Variants in XDH observed in about 807,000 individuals in gnomAD.
XDH encodes xanthine dehydrogenase, also known as xanthine dehydrogenase/oxidase.
Under a neutral mutation model 156.1 loss-of-function variants are expected in XDH, and 138 were observed. The observed-to-expected ratio is 0.88, with a 90% CI of 0.77 to 1.02. The LOEUF is 1.02. Ranked by LOEUF, XDH falls within the 50% of genes least tolerant of loss-of-function variation. The pLI is 0.00. For synonymous variants in XDH, 669 were observed against 625.7 expected, an observed-to-expected ratio of 1.07 and a Z score of -1.03; for missense variants, 1,849 against 1,684.9, an observed-to-expected ratio of 1.10 and a Z score of -1.71.
chr2:31,368,151 ACT>A (rs1047919442), intron 19 of XDH, 94 bp from the exon 20 acceptor site: 14 of 1,143,772 alleles, frequency 1.2e-5, no homozygotes, highest in East Asian at 4.7e-5. Flanking sequence ...TGAATTGTTG[ACT>A]CTCTCTTTCC....
chr2:31,378,656 T>C (rs1017765835), intron 13 of XDH, among the ~76,000 whole-genome samples: 1 of 148,546 alleles, frequency 6.7e-6, no homozygotes. Flanking sequence ...ACTGTGCCCA[T>C]CCACGGGGAC....
intron 5 of XDH, among the ~76,000 whole-genome samples, chr2:31,398,188 G>T (rs770921159): frequency 6.6e-6 from 1 of 152,174 alleles, no homozygotes; most frequent in African/African-American, 2.4e-5. Flanking sequence ...CACATTGGTG[G>T]TCTTGGCCCT....
At position 31,366,054 on chromosome 2, in the gene XDH, T is replaced by C; in HGVS notation, c.2378A>G (p.Lys793Arg). Residue 793 changes from lysine to arginine, a missense_variant, in exon 22 of 36, where the codon AAG becomes AGG. By Grantham distance (26) the Lys-to-Arg change is conservative. Transcript: ENST00000379416. Reference sequence around the variant, plus strand: ...GCCTCCAAAGCCTCCTCCCATTCTCTTCACTCGAACCACAATCCGGTTTGC... The same window carrying C: ...GCCTCCAAAGCCTCCTCCCATTCTCCTCACTCGAACCACAATCCGGTTTGC... ...VPANRIVVRVKRMGGGFGGKE... is the reference protein window; with the variant it reads ...VPANRIVVRVRRMGGGFGGKE... The C allele has an allele frequency of 6.2e-7, 1 of 1,614,116 alleles. No homozygotes were observed. Among genetic ancestry groups the C allele is most frequent in the Non-Finnish European group, 8.5e-7 (1 of 1,179,974 alleles).
chr2:31,339,570 C>A lies in XDH; in HGVS notation c.3693G>T (p.Pro1231=), dbSNP rs201405596. ...HTRGPSTYKI[P]AFGSIPIEFR... is the part of the protein sequence containing the mutation. Reference sequence around the variant, plus strand: ...ACTCAATGGGGATGCTGCCAAATGCCGGGATCTTGTAGGTGCTAGGGCCAC... The same window carrying A: ...ACTCAATGGGGATGCTGCCAAATGCAGGGATCTTGTAGGTGCTAGGGCCAC... Residue 1231 remains proline, a synonymous_variant, in exon 34 of 36, where the codon CCG becomes CCT. Coordinates refer to ENST00000379416, the MANE Select transcript of XDH (RefSeq NM_000379.4). 6.2e-7 allele frequency: 1 copy of A among 1,614,058 alleles called. No individual in the cohort carries two copies. Among genetic ancestry groups the A allele is most frequent in the Non-Finnish European group, 8.5e-7 (1 of 1,180,040 alleles).
intron 31 of XDH, among the ~76,000 whole-genome samples, chr2:31,343,238 G>T (rs1685171586): frequency 7.7e-6 from 1 of 129,242 alleles, no homozygotes; most frequent in Admixed American, 8.2e-5. Flanking sequence ...TGTATGTGTA[G>T]GTCAGATATT....
intron 2 of XDH, among the ~76,000 whole-genome samples, chr2:31,403,975 A>G (rs45595036): frequency 6.6e-6 from 1 of 152,280 alleles, no homozygotes; most frequent in East Asian, 1.9e-4. Context: ...AAAATTTAAA[A>G]ACAATGATAT....
At chr2:31,408,984 A>G (rs900370492) in intron 1 of XDH, among the ~76,000 whole-genome samples, 3 of 152,250 alleles carry the variant, frequency 2.0e-5, no homozygotes, top group Admixed American at 6.5e-5. Flanking sequence ...GTCATTTGCA[A>G]CAACATGGAT....
At chr2:31,374,036 C>A in intron 15 of XDH, 80 bp from the exon 16 acceptor site, 2 of 1,392,960 alleles carry the variant, frequency 1.4e-6, no homozygotes, top group African/African-American at 1.4e-5. Context: ...TAAAAATGAC[C>A]AAACTGATAA....
At chr2:31,388,087 A>C (rs1686662929) in intron 7 of XDH, 140 bp downstream of exon 7, 2 of 1,091,874 alleles carry the variant, frequency 1.8e-6, no homozygotes, top group Non-Finnish European at 2.7e-6. Context: ...GTGCACCATC[A>C]CCATCCCCAC....
At chr2:31,337,412 C>G (rs997387716) in intron 35 of XDH, among the ~76,000 whole-genome samples, 1 of 152,224 alleles carries the variant, frequency 6.6e-6, no homozygotes, top group African/African-American at 2.4e-5. Context: ...TTCCTCCCAT[C>G]TCTAAGGAGG....
chr2:31,381,884 G>A (rs1008644199), intron 11 of XDH, among the ~76,000 whole-genome samples, 158 bp from the exon 12 acceptor site: 23 of 152,108 alleles, frequency 1.5e-4, no homozygotes, highest in African/African-American at 5.3e-4. Context: ...TGAGAACTTC[G>A]GCATTCTGAA....
At position 31,366,247 on chromosome 2, in the gene XDH, G is replaced by C. The variant is rs1436325806; in HGVS notation, c.2323-138C>G. ...ATTCCTTGATTGAAAATCCCATGCA[G>C]CTTTGTGGTTAGTGATGCTGGGGCC... On this transcript the variant is annotated intron_variant, in intron 21 of 35. Transcript: ENST00000379416. The C allele has an allele frequency of 3.3e-6, 5 of 1,504,638 alleles. No homozygotes were observed. In the East Asian group the frequency reaches 6.8e-5, roughly 20 times the overall value. 93.2% of individuals were successfully genotyped at this position (1,504,638 alleles called of 1,614,324 possible).
chr2:31,373,966 C>T lies in XDH; in HGVS notation c.1603-10G>A, dbSNP rs747693184. ...CCAGTTTACCACACTTCTGTGGAGA[C>T]AAGAAAACAGAGGTGACCAGGATTA... On this transcript the variant is annotated splice_polypyrimidine_tract_variant and intron_variant, in intron 15 of 35. Transcript: ENST00000379416. 3 of 1,612,272 alleles carry T rather than the reference C, an allele frequency of 1.9e-6. No individual in the cohort carries two copies. Among genetic ancestry groups the T allele is most frequent in the South Asian group, 2.2e-5 (2 of 90,794 alleles).
At chr2:31,397,751 G>A in intron 5 of XDH, 22 bp from the exon 6 acceptor site, 3 of 1,614,136 alleles carry the variant, frequency 1.9e-6, no homozygotes, top group African/African-American at 2.7e-5. Context: ...GGAAAAAACT[G>A]CAATGTCAGT....
intron 23 of XDH, among the ~76,000 whole-genome samples, chr2:31,364,573 G>A (rs1347325320): frequency 6.6e-6 from 1 of 152,102 alleles, no homozygotes; most frequent in Non-Finnish European, 1.5e-5. Context: ...CGATAGGGCG[G>A]GGGGGAAGCG....
At chr2:31,389,661 T>C (rs954957035) in intron 6 of XDH, 1 of 152,196 alleles carries the variant, frequency 6.6e-6, no homozygotes, top group Non-Finnish European at 1.5e-5. Flanking sequence ...CAGTGCATTA[T>C]TACTTAGATC....
chr2:31,377,870 A>C (rs1686288149), intron 13 of XDH, among the ~76,000 whole-genome samples: 1 of 151,270 alleles, frequency 6.6e-6, no homozygotes, highest in African/African-American at 2.4e-5. Flanking sequence ...AAAAAAAAAA[A>C]ATTAGCCAGG....
At chr2:31,407,234 T>C (rs899963704) in intron 1 of XDH, among the ~76,000 whole-genome samples, 10 of 152,156 alleles carry the variant, frequency 6.6e-5, no homozygotes, top group Non-Finnish European at 1.5e-5. Flanking sequence ...GGGGAAGAGA[T>C]AGGCTTAACA....
At chr2:31,375,615 G>C (rs1416183406) in intron 14 of XDH, 61 bp from the exon 15 acceptor site, 47 of 1,576,820 alleles carry the variant, frequency 3.0e-5, no homozygotes, top group Non-Finnish European at 3.9e-5. Context: ...CCTTTGTGTA[G>C]AGCTGTGTGC....
Sources: allele counts gnomAD v4.1 joint callset (sites outside exome capture counted in the v4.1 genomes callset), GRCh38; gene constraint gnomAD v4.1.1; transcripts MANE v1.5; gene names NCBI Gene and HGNC (gene_info 2026-07-23, HGNC 2026-07-21).